The following SLC22A4 variants were observed in gnomAD, a reference collection of about 807,000 sequenced individuals.
The protein encoded by SLC22A4 is ET transporter.
In SLC22A4, 39 loss-of-function variants were observed where a neutral mutation model predicts 56.6. That is an observed-to-expected ratio of 0.69 (90% CI 0.53 to 0.90). The LOEUF is 0.90. Among genes scored for constraint, SLC22A4 ranks in the 40% least tolerant of loss-of-function variants. The probability of loss-of-function intolerance (pLI) is 0.00; values close to 1 mark genes in which losing one functional copy is unlikely to be tolerated. For synonymous variants in SLC22A4, 241 were observed against 281.4 expected, an observed-to-expected ratio of 0.86 and a Z score of 1.44; for missense variants, 594 against 696.5, an observed-to-expected ratio of 0.85 and a Z score of 1.66.
At chr5:132,295,925 C>T (rs1201148491) in intron 1 of SLC22A4, among the ~76,000 whole-genome samples, 7 of 152,214 alleles carry the variant, frequency 4.6e-5, no homozygotes, top group African/African-American at 9.6e-5. Context: ...CACGGTATAG[C>T]GGTCATCAGA....
intron 1 of SLC22A4, among the ~76,000 whole-genome samples, chr5:132,304,468 T>C (rs1387462429): frequency 1.3e-5 from 2 of 152,062 alleles, no homozygotes; most frequent in African/African-American, 4.8e-5. Flanking sequence ...AATACAAAAA[T>C]TAGCTGGGCA....
chr5:132,308,753 G>GGTGAGA (rs1750106282), intron 1 of SLC22A4, among the ~76,000 whole-genome samples: 2 of 152,174 alleles, frequency 1.3e-5, no homozygotes, highest in African/African-American at 4.8e-5. Flanking sequence ...CTTGGTCTGG[G>GGTGAGA]ACCCTGCTGA....
rs765506721 is a variant in SLC22A4, at chr5:132,334,709, T to C, written c.1047-9T>C. 1 of 1,602,204 alleles carries C rather than the reference T, an allele frequency of 6.2e-7. No individual in the cohort carries two copies. Among genetic ancestry groups the C allele is most frequent in the Non-Finnish European group, 8.6e-7 (1 of 1,169,210 alleles). ...CCATCCCTTTGTCATTTTTACCTTC[T>C]TCTTTCAGGATGCTGACCTCAGTGG... On this transcript the variant is annotated splice_polypyrimidine_tract_variant and intron_variant, in intron 6 of 9. Transcript: ENST00000200652.
chr5:132,342,452 G>A (rs13184379), intron 9 of SLC22A4, among the ~76,000 whole-genome samples: 9,764 of 152,210 alleles, frequency 0.064, 491 homozygotes, highest in East Asian at 0.27. Context: ...TTTTCTTCTT[G>A]ACGCAAACCA....
At chr5:132,296,100 C>T (rs1749771455) in intron 1 of SLC22A4, among the ~76,000 whole-genome samples, 1 of 152,186 alleles carries the variant, frequency 6.6e-6, no homozygotes, top group African/African-American at 2.4e-5. Context: ...GCCTTGCTTG[C>T]TATGTGACCT....
At chr5:132,297,575 C>T (rs1044170019) in intron 1 of SLC22A4, among the ~76,000 whole-genome samples, 3 of 151,570 alleles carry the variant, frequency 2.0e-5, no homozygotes, top group Admixed American at 6.6e-5. Flanking sequence ...GGGGTACAAG[C>T]GATGAAAAGA....
chr5:132,313,571 C>T (rs1312764231), intron 2 of SLC22A4, 43 bp from the exon 3 acceptor site: 1 of 1,599,712 alleles, frequency 6.3e-7, no homozygotes, highest in Admixed American at 1.7e-5. Flanking sequence ...CACACCTTGG[C>T]AACCTACACA....
chr5:132,343,111 T>A (rs1227733614), intron 9 of SLC22A4, among the ~76,000 whole-genome samples: 1 of 152,154 alleles, frequency 6.6e-6, no homozygotes, highest in Non-Finnish European at 1.5e-5. Context: ...AGATTTAGGA[T>A]CTCTATGTTA....
At chr5:132,343,139 C>G (rs1038393009) in intron 9 of SLC22A4, among the ~76,000 whole-genome samples, 3 of 152,148 alleles carry the variant, frequency 2.0e-5, no homozygotes, top group Admixed American at 6.6e-5. Flanking sequence ...GGGACAAAGA[C>G]CAGTATCTTT....
chr5:132,303,144 A>G (rs868679231), intron 1 of SLC22A4, among the ~76,000 whole-genome samples: 14 of 152,388 alleles, frequency 9.2e-5, no homozygotes, highest in South Asian at 2.1e-4. Flanking sequence ...AATGGATAAA[A>G]TCATTTGCCC....
rs113598969 is a variant in SLC22A4, at chr5:132,323,565, C to A, written c.824+1210C>A. Among the ~76,000 whole-genome samples the A allele has an allele frequency of 5.3e-3, 801 of 152,322 alleles. 15 individuals carry two copies. The highest frequency in any genetic ancestry group is 8.3e-3 in the Non-Finnish European group (567 of 68,034). ...TCTGATTTGCAACATTCCTCTGGAA[C>A]CCTGTCTGAGGACCGGGAAACCCGG... On this transcript the variant is annotated intron_variant, in intron 4 of 9. Transcript: ENST00000200652.
At chr5:132,302,943 T>C (rs1226142374) in intron 1 of SLC22A4, among the ~76,000 whole-genome samples, 4 of 152,234 alleles carry the variant, frequency 2.6e-5, no homozygotes, top group Non-Finnish European at 5.9e-5. Context: ...ACTGAGAACA[T>C]TTTAAGGCTT....
chr5:132,312,797 G>A (rs988611445), intron 2 of SLC22A4, among the ~76,000 whole-genome samples: 25 of 152,202 alleles, frequency 1.6e-4, no homozygotes, highest in Non-Finnish European at 2.8e-4. Context: ...AGCACCAGGA[G>A]ACAGTATTCC....
Position 132,297,849 on chromosome 5 carries a change from G to A in SLC22A4, c.393+2840G>A, listed in dbSNP as rs144057147. Among the ~76,000 whole-genome samples the A allele has an allele frequency of 3.9e-3, 599 of 152,140 alleles. 3 individuals carry two copies. Among genetic ancestry groups the A allele is most frequent in the African/African-American group, 0.011 (474 of 41,482 alleles). ...TGTAGTTCCAGCTTCTCAGGAGGCT[G>A]GGGCAGGAGGATCACTTGAGCCCAA... On this transcript the variant is annotated intron_variant, in intron 1 of 9. Transcript: ENST00000200652.
chr5:132,327,561 CT>C (rs1750722104), intron 5 of SLC22A4, among the ~76,000 whole-genome samples, 158 bp downstream of exon 5: 1 of 152,192 alleles, frequency 6.6e-6, no homozygotes, highest in African/African-American at 2.4e-5. Context: ...TAAAATCCAC[CT>C]TAAAGGGCTG....
At chr5:132,299,146 C>T (rs1749847183) in intron 1 of SLC22A4, among the ~76,000 whole-genome samples, 1 of 152,218 alleles carries the variant, frequency 6.6e-6, no homozygotes, top group Non-Finnish European at 1.5e-5. Flanking sequence ...ACAAGTCTGC[C>T]TGAACTGCCC....
At chr5:132,312,950 C>G (rs1204159678) in intron 2 of SLC22A4, among the ~76,000 whole-genome samples, 1 of 152,240 alleles carries the variant, frequency 6.6e-6, no homozygotes, top group Non-Finnish European at 1.5e-5. Context: ...CTGCTCACAC[C>G]TGTGCTCCAT....
intron 4 of SLC22A4, among the ~76,000 whole-genome samples, chr5:132,325,710 A>C (rs1284009960): frequency 6.6e-6 from 1 of 152,228 alleles, no homozygotes; most frequent in Non-Finnish European, 1.5e-5. Flanking sequence ...TTACATCCCA[A>C]TAAGCCCATT....
At chr5:132,339,534 T>A (rs1282481533) in intron 8 of SLC22A4, among the ~76,000 whole-genome samples, 1 of 151,260 alleles carries the variant, frequency 6.6e-6, no homozygotes, top group Non-Finnish European at 1.5e-5. Flanking sequence ...TCAGGAAAGG[T>A]ATAATCCAAA....
Sources: gnomAD v4.1 joint callset for allele counts (sites outside exome capture counted in the v4.1 genomes callset) on GRCh38, gnomAD v4.1.1 for gene constraint, MANE v1.5 for transcripts, NCBI Gene and HGNC (gene_info 2026-07-23, HGNC 2026-07-21) for gene names.